FAM72C: variants seen among roughly 807,000 people sequenced by gnomAD.
The protein encoded by FAM72C is RUMY family member 3.
Under a neutral mutation model 5.2 loss-of-function variants are expected in FAM72C, and 1 was observed. The observed-to-expected ratio is 0.19, with a 90% CI of 0.07 to 0.91. FAM72C has a LOEUF of 0.91. Among genes scored for constraint, FAM72C ranks in the 40% least tolerant of loss-of-function variants. The pLI is 0.66. For synonymous variants in FAM72C, 1 was observed against 21.8 expected (o/e 0.05, Z 2.66); for missense variants, 4 against 66.0 (o/e 0.06, Z 3.25).
chr1:143,963,981 T>C (rs1661708013), intron 3 of FAM72C, among the ~76,000 whole-genome samples: 2 of 56,842 alleles, frequency 3.5e-5, no homozygotes, highest in Admixed American at 4.3e-4. Context: ...GATGCCTGGA[T>C]AATTTTTGTA....
In FAM72C at chr1:143,967,662, T is replaced by C. The variant is rs1418563769; in HGVS notation, c.230+1262A>G. The stretch of plus-strand genomic sequence containing the variant: ...ATAAGAAGAGCTTGCCAATTTAAAT[T>C]ATTAGGATTGTCATTTATAATACAA... On this transcript the variant is annotated intron_variant, in intron 2 of 3. Transcript: ENST00000584486. Among the ~76,000 whole-genome samples the C allele has an allele frequency of 1.4e-4, 16 of 114,426 alleles. 1 individual carries two copies. Among genetic ancestry groups the C allele is most frequent in the Non-Finnish European group, 2.6e-4 (14 of 54,176 alleles). 75.1% of individuals were successfully genotyped at this position (114,426 alleles called of 152,430 possible). A position where few individuals can be genotyped will look rare whatever the true frequency, so the allele number is the denominator to read the frequency against.
At position 143,960,719 on chromosome 1, in the gene FAM72C, CT is replaced by C. The variant is rs1431545986; in HGVS notation, c.355+4135del. ...CTGGGAAACAAGAGTGAAACTCTGT[CT>C]CAAAAAAAAAAAAAAAAAAGAATTA... On this transcript the variant is annotated intron_variant, in intron 3 of 3. Coordinates refer to ENST00000584486, the MANE Select transcript of FAM72C (RefSeq NM_001287385.2). 5.7e-5 allele frequency among the ~76,000 whole-genome samples: 6 copies of C among 105,588 alleles called. No individual in the cohort carries two copies. In the East Asian group the frequency reaches 1.6e-3, roughly 29 times the overall value. 69.3% of individuals were successfully genotyped at this position (105,588 alleles called of 152,430 possible). A position where few individuals can be genotyped will look rare whatever the true frequency, so the allele number is the denominator to read the frequency against.
intron 3 of FAM72C, among the ~76,000 whole-genome samples, chr1:143,962,260 C>T (rs1464313605): frequency 7.6e-5 from 11 of 145,078 alleles, no homozygotes; most frequent in African/African-American, 2.5e-4. Context: ...GTGATCTGCC[C>T]GCTTCGGCCT....
intron 2 of FAM72C, among the ~76,000 whole-genome samples, chr1:143,967,432 C>T (rs1233272966): frequency 7.1e-6 from 1 of 140,438 alleles, no homozygotes; most frequent in South Asian, 2.3e-4. Flanking sequence ...AAGCTGAGAT[C>T]GTGCCACTGC....
intron 3 of FAM72C, among the ~76,000 whole-genome samples, chr1:143,958,011 G>A (rs1360588736): frequency 2.1e-4 from 16 of 76,096 alleles, no homozygotes; most frequent in African/African-American, 7.9e-4. Context: ...TGAGATAGCA[G>A]CCACATGGCG....
intron 3 of FAM72C, among the ~76,000 whole-genome samples, chr1:143,959,526 TG>T (rs1661536987): frequency 7.9e-6 from 1 of 125,830 alleles, no homozygotes; most frequent in Admixed American, 8.1e-5. Flanking sequence ...TAAGCATAAT[TG>T]GAGGATTTAA....
At chr1:143,959,202 C>T (rs1411970543) in intron 3 of FAM72C, among the ~76,000 whole-genome samples, 2 of 136,986 alleles carry the variant, frequency 1.5e-5, no homozygotes, top group Non-Finnish European at 3.1e-5. Flanking sequence ...GAATGCGGGG[C>T]TTTTATCTTT....
At chr1:143,968,373 G>GT (rs1297976679) in intron 2 of FAM72C, among the ~76,000 whole-genome samples, 2 of 41,718 alleles carry the variant, frequency 4.8e-5, no homozygotes, top group African/African-American at 6.8e-5. Context: ...GCCAGGCCTG[G>GT]TGGTGCCTGC....
chr1:143,959,992 G>T (rs1455401593), intron 3 of FAM72C, among the ~76,000 whole-genome samples: 3 of 135,664 alleles, frequency 2.2e-5, no homozygotes, highest in African/African-American at 8.3e-5. Context: ...AAAAAAAAAA[G>T]TTCCTTAAAA....
chr1:143,960,824 C>T (rs1570988768), intron 3 of FAM72C, among the ~76,000 whole-genome samples: 1 of 136,982 alleles, frequency 7.3e-6, no homozygotes, highest in Admixed American at 7.3e-5. Flanking sequence ...TACTTTCTTA[C>T]TAAAATATTT....
rs1475746274 is a variant in FAM72C at position 143,966,848 on chromosome 1, C to T, written c.231-1869G>A. On this transcript the variant is annotated intron_variant, in intron 2 of 3. Transcript: ENST00000584486. Reference sequence around the variant, plus strand: ...TTCGAGACCAGCCTGGCCAACATGGCGAAACCCCACCTCTACTAAAAATAC... The same window carrying T: ...TTCGAGACCAGCCTGGCCAACATGGTGAAACCCCACCTCTACTAAAAATAC... Among the ~76,000 whole-genome samples the T allele has an allele frequency of 4.2e-4, 59 of 139,196 alleles. 4 individuals carry two copies. The East Asian group carries it at 0.011, about 25-fold the overall frequency. The allele number at this position is 139,196 out of a possible 152,430, so 91.3% of individuals were successfully genotyped here.
chr1:143,961,924 G>T (rs1553517925), intron 3 of FAM72C, among the ~76,000 whole-genome samples: 1 of 146,654 alleles, frequency 6.8e-6, no homozygotes, highest in African/African-American at 2.5e-5. Context: ...AGCAAAAAGT[G>T]CAGACGTAGA....
chr1:143,961,788 ACT>A (rs1661643831), intron 3 of FAM72C, among the ~76,000 whole-genome samples: 1 of 112,352 alleles, frequency 8.9e-6, no homozygotes, highest in South Asian at 3.5e-4. Context: ...CTAGGTCTTA[ACT>A]CTCTGCAATT....
chr1:143,963,896 C>A lies in FAM72C; in HGVS notation c.355+959G>T, dbSNP rs1443418544. On this transcript the variant is annotated intron_variant, in intron 3 of 3. Transcript: ENST00000584486. ...GCACTGGCATGATCACAGCTCACTG[C>A]AGCCTCTACCTCCCAAATTCAAGTG... is the stretch of plus-strand genomic sequence containing the variant. 1.6e-5 allele frequency among the ~76,000 whole-genome samples: 2 copies of A among 122,750 alleles called. 1 individual carries two copies. The highest frequency in any genetic ancestry group is 3.5e-5 in the Non-Finnish European group (2 of 57,296). 80.5% of individuals were successfully genotyped at this position (122,750 alleles called of 152,430 possible). A position where few individuals can be genotyped will look rare whatever the true frequency, so the allele number is the denominator to read the frequency against.
In FAM72C at chr1:143,967,010, T is replaced by A. The variant is rs1181029503; in HGVS notation, c.230+1914A>T. Among the ~76,000 whole-genome samples, 9 of 141,008 alleles carry A rather than the reference T, an allele frequency of 6.4e-5. 1 individual carries two copies. Among genetic ancestry groups the A allele is most frequent in the Non-Finnish European group, 1.1e-4 (7 of 64,470 alleles). The allele number at this position is 141,008 out of a possible 152,430, so 92.5% of individuals were successfully genotyped here. ...GCCATTGCACTCCAGCCTGGGCAAC[T>A]GAGCAAGACTCCGTCTCAAAGCAAA... On this transcript the variant is annotated intron_variant, in intron 2 of 3. Coordinates refer to ENST00000584486, the MANE Select transcript of FAM72C (RefSeq NM_001287385.2).
Position 143,965,410 on chromosome 1 carries a change from G to A in FAM72C, c.231-431C>T, listed in dbSNP as rs1661748068. On this transcript the variant is annotated intron_variant, in intron 2 of 3. Coordinates refer to ENST00000584486, the MANE Select transcript of FAM72C (RefSeq NM_001287385.2). ...GGGGTTTTACCATGTTGGCCAGGCTGGTCTCGAACTCCTGACCTCAGGTGA... is the reference window on the plus strand; with the variant it reads ...GGGGTTTTACCATGTTGGCCAGGCTAGTCTCGAACTCCTGACCTCAGGTGA... Among the ~76,000 whole-genome samples the A allele has an allele frequency of 2.9e-5, 3 of 103,880 alleles. 1 individual carries two copies. The highest frequency in any genetic ancestry group is 6.0e-5 in the Non-Finnish European group (3 of 49,988). 68.1% of individuals were successfully genotyped at this position (103,880 alleles called of 152,430 possible). A position where few individuals can be genotyped will look rare whatever the true frequency, so the allele number is the denominator to read the frequency against.
chr1:143,960,397 C>G, intron 3 of FAM72C, among the ~76,000 whole-genome samples: 1 of 78,058 alleles, frequency 1.3e-5, no homozygotes, highest in Admixed American at 1.2e-4. Context: ...CAGAATGACT[C>G]CATCTCAAAA....
At position 143,967,118 on chromosome 1, in the gene FAM72C, G is replaced by C; in HGVS notation, c.230+1806C>G. 1.4e-5 allele frequency among the ~76,000 whole-genome samples: 2 copies of C among 145,224 alleles called. 1 individual carries two copies. On this transcript the variant is annotated intron_variant, in intron 2 of 3. Transcript: ENST00000584486. ...GGAGGCCGAGGCAGGTGGATCACTT[G>C]AGGTCAGGAGTTTGAGACCAGCCTG...
At chr1:143,961,731 G>A (rs1570989602) in intron 3 of FAM72C, among the ~76,000 whole-genome samples, 1 of 102,466 alleles carries the variant, frequency 9.8e-6, no homozygotes, top group South Asian at 4.0e-4. Context: ...CTAGATAGAG[G>A]ATTAAACCAG....
Sources: gnomAD v4.1 joint callset for allele counts (sites outside exome capture counted in the v4.1 genomes callset) on GRCh38, gnomAD v4.1.1 for gene constraint, MANE v1.5 for transcripts, NCBI Gene and HGNC (gene_info 2026-07-23, HGNC 2026-07-21) for gene names.